The following GABRB1 variants were observed in gnomAD, a reference collection of about 807,000 sequenced individuals.
GABRB1 encodes the protein gamma-aminobutyric acid receptor subunit beta-1.
Under a neutral mutation model 51.6 loss-of-function variants are expected in GABRB1, and 17 were observed. That is an observed-to-expected ratio of 0.33 (90% CI 0.23 to 0.49). The LOEUF (loss-of-function observed/expected upper bound fraction) is 0.49. Among genes scored for constraint, GABRB1 ranks in the 20% least tolerant of loss-of-function variants. The pLI is 0.99. For synonymous variants in GABRB1, 247 were observed against 218.9 expected, an observed-to-expected ratio of 1.13 and a Z score of -1.14; for missense variants, 410 against 600.6, an observed-to-expected ratio of 0.68 and a Z score of 3.32.
chr4:47,381,052 G>T (rs1158383537), intron 5 of GABRB1, among the ~76,000 whole-genome samples: 1 of 152,068 alleles, frequency 6.6e-6, no homozygotes, highest in African/African-American at 2.4e-5. Context: ...ATAGCACAGG[G>T]GTAATTGCCA....
intron 4 of GABRB1, among the ~76,000 whole-genome samples, chr4:47,239,049 T>C (rs949390592): frequency 2.0e-5 from 3 of 152,206 alleles, no homozygotes; most frequent in Non-Finnish European, 4.4e-5. Flanking sequence ...TTTGTTTTGT[T>C]CTTTTATGAT....
intron 4 of GABRB1, among the ~76,000 whole-genome samples, chr4:47,297,832 T>C (rs1361127576): frequency 6.6e-6 from 1 of 152,148 alleles, no homozygotes; most frequent in Non-Finnish European, 1.5e-5. Flanking sequence ...CCAATATCCT[T>C]GATGAATATT....
At chr4:47,293,448 T>G (rs953508071) in intron 4 of GABRB1, among the ~76,000 whole-genome samples, 1 of 152,166 alleles carries the variant, frequency 6.6e-6, no homozygotes, top group East Asian at 1.9e-4. Flanking sequence ...CCTAAGCACA[T>G]TTTCTTACTT....
At position 47,076,048 on chromosome 4, in the gene GABRB1, A is replaced by G. The variant is rs117973117; in HGVS notation, c.240+43564A>G. On this transcript the variant is annotated intron_variant, in intron 3 of 8. Transcript: ENST00000295454. ...GTCCCTGAGTATTCACCAAGCCATA[A>G]ACTTGCCCTAATCTGCACTCTGTTT... 1.0e-3 allele frequency among the ~76,000 whole-genome samples: 157 copies of G among 152,276 alleles called. 4 individuals carry two copies. In the East Asian group the frequency reaches 0.024, roughly 23 times the overall value.
chr4:47,272,659 C>T (rs1722918079), intron 4 of GABRB1, among the ~76,000 whole-genome samples: 1 of 152,092 alleles, frequency 6.6e-6, no homozygotes, highest in South Asian at 2.1e-4. Context: ...ATTCCTCTGT[C>T]TCTTATGTTT....
chr4:47,150,681 G>C (rs546466357), intron 3 of GABRB1, among the ~76,000 whole-genome samples: 1 of 151,584 alleles, frequency 6.6e-6, no homozygotes, highest in Non-Finnish European at 1.5e-5. Flanking sequence ...ATAAGCATGA[G>C]CAAAAATACA....
At chr4:47,237,042 T>A (rs1721356701) in intron 4 of GABRB1, among the ~76,000 whole-genome samples, 1 of 152,040 alleles carries the variant, frequency 6.6e-6, no homozygotes, top group African/African-American at 2.4e-5. Flanking sequence ...AACCAAAAAT[T>A]TCTCAAAATT....
At chr4:47,073,453 A>G (rs1260560682) in intron 3 of GABRB1, among the ~76,000 whole-genome samples, 1 of 152,180 alleles carries the variant, frequency 6.6e-6, no homozygotes, top group African/African-American at 2.4e-5. Context: ...AAACATATAG[A>G]TTGTCCAGTG....
At chr4:47,182,103 G>T (rs904770518) in intron 4 of GABRB1, among the ~76,000 whole-genome samples, 5 of 151,696 alleles carry the variant, frequency 3.3e-5, no homozygotes, top group African/African-American at 1.2e-4. Context: ...TAGATTCTAT[G>T]ACTAGAGGCA....
At chr4:47,078,912 G>T (rs754625549) in intron 3 of GABRB1, among the ~76,000 whole-genome samples, 32 of 152,112 alleles carry the variant, frequency 2.1e-4, no homozygotes, top group Non-Finnish European at 3.5e-4. Context: ...TTAGAAAGAG[G>T]CTTGGCCATT....
At chr4:47,238,654 C>A (rs1490929316) in intron 4 of GABRB1, among the ~76,000 whole-genome samples, 1 of 152,010 alleles carries the variant, frequency 6.6e-6, no homozygotes, top group East Asian at 1.9e-4. Flanking sequence ...AAGTGGAAAA[C>A]CAAAAGGACA....
At chr4:47,063,231 C>A (rs1458797763) in intron 3 of GABRB1, among the ~76,000 whole-genome samples, 1 of 152,066 alleles carries the variant, frequency 6.6e-6, no homozygotes, top group Non-Finnish European at 1.5e-5. Context: ...AGGTCAGAAC[C>A]TAACAAGGGC....
intron 4 of GABRB1, among the ~76,000 whole-genome samples, chr4:47,241,960 A>G (rs927931471): frequency 6.6e-6 from 1 of 152,094 alleles, no homozygotes; most frequent in African/African-American, 2.4e-5. Flanking sequence ...ATATGTATAC[A>G]TGTGCCATGT....
At chr4:47,132,858 T>C (rs1716486288) in intron 3 of GABRB1, among the ~76,000 whole-genome samples, 1 of 152,220 alleles carries the variant, frequency 6.6e-6, no homozygotes, top group South Asian at 2.1e-4. Flanking sequence ...ACATCCCATC[T>C]TGCCTTGCAT....
chr4:47,255,930 G>T (rs1722181648), intron 4 of GABRB1, among the ~76,000 whole-genome samples: 1 of 152,198 alleles, frequency 6.6e-6, no homozygotes, highest in Non-Finnish European at 1.5e-5. Flanking sequence ...GGCCAGAAAA[G>T]GAAGAAAGGA....
intron 4 of GABRB1, among the ~76,000 whole-genome samples, chr4:47,303,042 G>A (rs1724321227): frequency 6.6e-6 from 1 of 151,850 alleles, no homozygotes; most frequent in Non-Finnish European, 1.5e-5. Flanking sequence ...GTATTTAGGG[G>A]TTTGTTTTGT....
chr4:47,356,856 C>A (rs1303480714), intron 5 of GABRB1, among the ~76,000 whole-genome samples: 1 of 152,018 alleles, frequency 6.6e-6, no homozygotes, highest in African/African-American at 2.4e-5. Context: ...ATTTTTGATG[C>A]CCCTGAAGGC....
chr4:47,226,362 G>C (rs1434643943), intron 4 of GABRB1, among the ~76,000 whole-genome samples: 1 of 152,094 alleles, frequency 6.6e-6, no homozygotes, highest in Non-Finnish European at 1.5e-5. Context: ...AGCTACCCAT[G>C]ACAATACCAG....
upstream of GABRB1, among the ~76,000 whole-genome samples, chr4:47,030,942 G>A (rs1398495890): frequency 6.6e-6 from 1 of 152,104 alleles, no homozygotes; most frequent in Non-Finnish European, 1.5e-5. Context: ...AAACGACAAG[G>A]GGAGGGAAGA....
Sources: gnomAD v4.1 joint callset for allele counts (sites outside exome capture counted in the v4.1 genomes callset) on GRCh38, gnomAD v4.1.1 for gene constraint, MANE v1.5 for transcripts, NCBI Gene and HGNC (gene_info 2026-07-23, HGNC 2026-07-21) for gene names.